Variants in PHACTR2 observed in about 807,000 individuals in gnomAD.
The protein encoded by PHACTR2 is chromosome 6 open reading frame 56.
In PHACTR2, 30 loss-of-function variants were observed where a neutral mutation model predicts 76.0. The ratio of observed to expected loss-of-function variants is 0.39; its 90% confidence interval spans 0.30 to 0.54. The LOEUF is 0.54. Ranked by LOEUF, PHACTR2 falls within the 20% of genes least tolerant of loss-of-function variation. PHACTR2 has a pLI of 0.61. For synonymous variants in PHACTR2, 292 were observed against 292.5 expected (o/e 1.00, Z 0.02); for missense variants, 696 against 781.1 (o/e 0.89, Z 1.30).
rs1776092066 is a variant in PHACTR2 at position 143,807,555 on chromosome 6, G to T, written c.1922+422G>T. Among the ~76,000 whole-genome samples the T allele has an allele frequency of 6.6e-6, 1 of 152,128 alleles. No individual in the cohort carries two copies. Among genetic ancestry groups the T allele is most frequent in the Admixed American group, 6.5e-5 (1 of 15,280 alleles). On this transcript the variant is annotated intron_variant, in intron 12 of 12. Transcript: ENST00000440869. This position sits in a 1 kb window ranked among gnomAD's most constrained non-coding sequence, Gnocchi z 5.5. ...TTCTTCGTTTTTTTCTGGGTCTGAA[G>T]ACATCATTTATTCTGCTCTTGAACA...
chr6:143,540,746 C>CA (rs1285514022), intron 1 of PHACTR2, among the ~76,000 whole-genome samples: 4 of 150,484 alleles, frequency 2.7e-5, no homozygotes, highest in African/African-American at 9.7e-5. Context: ...AAAATCTATA[C>CA]AAAAAAGTTA....
Position 143,761,349 on chromosome 6 carries a change from A to G in PHACTR2, c.694+709A>G, listed in dbSNP as rs999640085. Among the ~76,000 whole-genome samples the G allele has an allele frequency of 6.6e-6, 1 of 152,244 alleles. No individual in the cohort carries two copies. The highest frequency in any genetic ancestry group is 2.4e-5 in the African/African-American group (1 of 41,462). ...TGAGTGACCTGCAATAACTCATGCA[A>G]TATGTATCCAGCTTTGCTTTACAAT... On this transcript the variant is annotated intron_variant, in intron 5 of 12. Coordinates refer to ENST00000440869, the MANE Select transcript of PHACTR2 (RefSeq NM_001100164.2). The surrounding 1 kb of genome is among the most constrained non-coding windows in gnomAD (Gnocchi z 5.2).
chr6:143,715,543 C>T (rs1249572279), intron 2 of PHACTR2, among the ~76,000 whole-genome samples: 2 of 152,222 alleles, frequency 1.3e-5, no homozygotes, highest in African/African-American at 4.8e-5. Context: ...CTGTGGAAAA[C>T]ATGCTAGTTG....
At chr6:143,594,015 G>A (rs1198957175) in intron 1 of PHACTR2, among the ~76,000 whole-genome samples, 1 of 152,138 alleles carries the variant, frequency 6.6e-6, no homozygotes, top group African/African-American at 2.4e-5. Flanking sequence ...TGCAGATCGA[G>A]CATCCCTAAT....
intron 6 of PHACTR2, among the ~76,000 whole-genome samples, chr6:143,769,603 A>G (rs1775042928): frequency 6.6e-6 from 1 of 152,134 alleles, no homozygotes; most frequent in Non-Finnish European, 1.5e-5. Context: ...TCCTTATACA[A>G]TAGAATACTT....
chr6:143,675,106 A>G (rs564101115), upstream of PHACTR2, among the ~76,000 whole-genome samples: 82 of 152,362 alleles, frequency 5.4e-4, 1 homozygote, highest in South Asian at 0.014. The surrounding 1 kb of genome is among the most constrained non-coding windows in gnomAD (Gnocchi z 4.9). Context: ...TGAAAACCTG[A>G]TAAGTACAAC....
chr6:143,642,240 A>G (rs527948852), intron 1 of PHACTR2, among the ~76,000 whole-genome samples: 1 of 152,344 alleles, frequency 6.6e-6, no homozygotes, highest in South Asian at 2.1e-4. Flanking sequence ...ACAGTTTTTG[A>G]AGATCCAGCT....
intron 2 of PHACTR2, among the ~76,000 whole-genome samples, chr6:143,712,867 G>C (rs138955649): frequency 6.6e-6 from 1 of 152,166 alleles, no homozygotes; most frequent in African/African-American, 2.4e-5. Context: ...AACCTTAAAA[G>C]TTACATTGCT....
At chr6:143,566,559 T>G (rs908427492) in intron 1 of PHACTR2, among the ~76,000 whole-genome samples, 2 of 152,148 alleles carry the variant, frequency 1.3e-5, no homozygotes, top group Non-Finnish European at 2.9e-5. Flanking sequence ...CTACCTTGGC[T>G]TTCCAAAGTG....
intron 10 of PHACTR2, among the ~76,000 whole-genome samples, 178 bp from the exon 11 acceptor site, chr6:143,788,595 G>T (rs1291533899): frequency 6.6e-6 from 1 of 151,042 alleles, no homozygotes; most frequent in African/African-American, 2.4e-5. Flanking sequence ...AAAAATTAGG[G>T]CACATGGCTT....
chr6:143,689,286 T>G lies in PHACTR2; in HGVS notation c.46+11077T>G, dbSNP rs992903203. Among the ~76,000 whole-genome samples the G allele has an allele frequency of 6.6e-6, 1 of 152,232 alleles. No homozygotes were observed. ...TGTTTTATTCATTGTCTCTCTTTTC[T>G]AGAACATAAGCTCCATGATCTAAAA... On this transcript the variant is annotated intron_variant, in intron 1 of 12. Coordinates refer to ENST00000440869, the MANE Select transcript of PHACTR2 (RefSeq NM_001100164.2). The surrounding 1 kb of genome is among the most constrained non-coding windows in gnomAD (Gnocchi z 4.4).
Position 143,695,523 on chromosome 6 carries a change from T to A in PHACTR2, c.47-16493T>A, listed in dbSNP as rs1777752823. On this transcript the variant is annotated intron_variant, in intron 1 of 12. Transcript: ENST00000440869. The surrounding 1 kb of genome is among the most constrained non-coding windows in gnomAD (Gnocchi z 4.4). ...TAAGGATTTAATTAATTGCTTGTGGTTTTGCAGTGCCAGTCCAGGTTTATT... is the reference window on the plus strand; with the variant it reads ...TAAGGATTTAATTAATTGCTTGTGGATTTGCAGTGCCAGTCCAGGTTTATT... 6.6e-6 allele frequency among the ~76,000 whole-genome samples: 1 copy of A among 152,240 alleles called. No homozygotes were observed. Among genetic ancestry groups the A allele is most frequent in the African/African-American group, 2.4e-5 (1 of 41,462 alleles).
rs1180697716 is a variant in PHACTR2, at chr6:143,780,962, G to T, written c.1646-2257G>T. On this transcript the variant is annotated intron_variant, in intron 9 of 12. Transcript: ENST00000440869. This position sits in a 1 kb window ranked among gnomAD's most constrained non-coding sequence, Gnocchi z 4.4. The stretch of plus-strand genomic sequence containing the variant: ...TTAAGGTTTAAACTTGACTCTATGA[G>T]AGATTTTACAATGACTGTTTAATAA... Among the ~76,000 whole-genome samples the T allele has an allele frequency of 6.6e-6, 1 of 152,198 alleles. No homozygotes were observed. The highest frequency in any genetic ancestry group is 6.5e-5 in the Admixed American group (1 of 15,284).
At position 143,767,217 on chromosome 6, in the gene PHACTR2, A is replaced by C. The variant is rs1779582141; in HGVS notation, c.1232+1419A>C. Among the ~76,000 whole-genome samples the C allele has an allele frequency of 6.6e-6, 1 of 152,204 alleles. No homozygotes were observed. Among genetic ancestry groups the C allele is most frequent in the African/African-American group, 2.4e-5 (1 of 41,448 alleles). ...CTGTTTTATAGATAAGAAAACTGGC[A>C]CTGAGAGAGCTAAAATAGTTTGCAC... On this transcript the variant is annotated intron_variant, in intron 6 of 12. Coordinates refer to ENST00000440869, the MANE Select transcript of PHACTR2 (RefSeq NM_001100164.2). The surrounding 1 kb of genome is among the most constrained non-coding windows in gnomAD (Gnocchi z 4.4).
intron 1 of PHACTR2, among the ~76,000 whole-genome samples, chr6:143,655,071 T>C (rs1475046963): frequency 6.7e-6 from 1 of 149,884 alleles, no homozygotes; most frequent in East Asian, 2.0e-4. Context: ...GTAGGAGAAT[T>C]GCTTGAACCT....
At chr6:143,609,798 TA>T (rs879431254) in intron 1 of PHACTR2, among the ~76,000 whole-genome samples, 8 of 152,216 alleles carry the variant, frequency 5.3e-5, no homozygotes, top group Non-Finnish European at 8.8e-5. Flanking sequence ...AAAGGCCATT[TA>T]AAAAAAGGAA....
At chr6:143,601,078 C>T (rs1168008044) in intron 1 of PHACTR2, among the ~76,000 whole-genome samples, 8 of 152,276 alleles carry the variant, frequency 5.3e-5, no homozygotes, top group Non-Finnish European at 1.5e-5. Flanking sequence ...ATAATAGTAC[C>T]AAACTCATTC....
At position 143,820,122 on chromosome 6, in the gene PHACTR2, C is replaced by T. The variant is rs776514206; in HGVS notation, c.1923-3552C>T. On this transcript the variant is annotated intron_variant, in intron 12 of 12. Coordinates refer to ENST00000440869, the MANE Select transcript of PHACTR2 (RefSeq NM_001100164.2). This position sits in a 1 kb window ranked among gnomAD's most constrained non-coding sequence, Gnocchi z 4.2. ...ACAGTACCAAGCCATAGGGATCCAC[C>T]CCCAGGACCCAAACACCTCCCAGCC... Among the ~76,000 whole-genome samples, 3 of 152,090 alleles carry T rather than the reference C, an allele frequency of 2.0e-5. No individual in the cohort carries two copies. The highest frequency in any genetic ancestry group is 4.8e-5 in the African/African-American group (2 of 41,394).
At chr6:143,703,204 T>C (rs1315279391) in intron 1 of PHACTR2, among the ~76,000 whole-genome samples, 3 of 147,784 alleles carry the variant, frequency 2.0e-5, no homozygotes, top group African/African-American at 7.5e-5. Context: ...TCAATGCTGC[T>C]GGAAGTCAAA....
Sources: allele counts gnomAD v4.1 joint callset (sites outside exome capture counted in the v4.1 genomes callset), GRCh38; gene constraint gnomAD v4.1.1; non-coding constraint Gnocchi (gnomAD v3.1); transcripts MANE v1.5; gene names NCBI Gene and HGNC (gene_info 2026-07-23, HGNC 2026-07-21).